Variants in CHCHD5 observed in about 807,000 individuals in gnomAD.
CHCHD5 encodes the protein coiled-coil-helix-coiled-coil-helix domain containing 5, also known as coiled-coil-helix-coiled-coil-helix domain-containing protein 5.
In CHCHD5, 10 loss-of-function variants were observed where a neutral mutation model predicts 16.0. That is an observed-to-expected ratio of 0.63 (90% CI 0.39 to 1.06). CHCHD5 has a LOEUF of 1.06. Ranked by LOEUF, CHCHD5 falls within the 50% of genes least tolerant of loss-of-function variation. CHCHD5 has a pLI of 0.01. For synonymous variants in CHCHD5, 55 were observed against 56.3 expected, an observed-to-expected ratio of 0.98 and a Z score of 0.10; for missense variants, 163 against 153.4, an observed-to-expected ratio of 1.06 and a Z score of -0.33.
At chr2:112,586,670 G>C in intron 3 of CHCHD5, 1 of 1,351,254 alleles carries the variant, frequency 7.4e-7, no homozygotes, top group Non-Finnish European at 9.8e-7. Context: ...CTGAAATCTG[G>C]TCTCATCACA....
chr2:112,586,026 T>C lies in CHCHD5; in HGVS notation c.55T>C (p.Tyr19His). ...CTACTGTGGCCGGGAGCTGGAGCAG[T>C]ATGGCCAGTGTGTGGCGGCCAAGCC... ...ARYCGRELEQ[Y>H]GQCVAAKPES... Residue 19 changes from tyrosine (Y) to histidine (H), a missense_variant, in exon 2 of 4, where the codon TAT becomes CAT. Physicochemically the swap from Tyr to His is moderately conservative, Grantham distance 83. Transcript: ENST00000324913. 3 of 1,614,198 alleles carry C rather than the reference T, an allele frequency of 1.9e-6. No homozygotes were observed. Among genetic ancestry groups the C allele is most frequent in the African/African-American group, 1.3e-5 (1 of 75,038 alleles).
chr2:112,584,719 G>C lies in CHCHD5; in HGVS notation c.2+70G>C. On this transcript the variant is annotated intron_variant, in intron 1 of 3. Coordinates refer to ENST00000324913, the MANE Select transcript of CHCHD5 (RefSeq NM_032309.4). ...TCTTTTACCCAGTGATCTAGACCTA[G>C]TCTAGGACCTCGGGAACTAGGACCA... 1.9e-6 allele frequency: 3 copies of C among 1,584,786 alleles called. No homozygotes were observed. In the Admixed American group the frequency reaches 5.0e-5, roughly 27 times the overall value.
Position 112,586,209 on chromosome 2 carries a change from C to T in CHCHD5, c.153C>T (p.Ile51=), listed in dbSNP as rs756891206. The T allele has an allele frequency of 1.4e-5, 23 of 1,609,660 alleles. No individual in the cohort carries two copies. The highest frequency in any genetic ancestry group is 1.9e-5 in the Non-Finnish European group (22 of 1,176,316). ...IAQCTSSHPI[I]RQIRQACAQP... The stretch of plus-strand genomic sequence containing the variant: ...TGCCCTACCCCCACAGCCCAATCAT[C>T]CGCCAGATCCGCCAGGCCTGTGCTC... Residue 51 remains isoleucine, a synonymous_variant, in exon 3 of 4, where the codon ATC becomes ATT. Coordinates refer to ENST00000324913, the MANE Select transcript of CHCHD5 (RefSeq NM_032309.4).
At chr2:112,587,824 T>C (rs536787044) in intron 3 of CHCHD5, 19 of 152,184 alleles carry the variant, frequency 1.2e-4, no homozygotes, top group African/African-American at 4.6e-4. Context: ...GCTGGGGACA[T>C]TTCTGTCTTT....
chr2:112,586,275 G>A lies in CHCHD5; in HGVS notation c.219G>A (p.Glu73=). ...TCGAGGAGTGTCTTCGACAGAACGA[G>A]GCAGCTGTGGGCAACTGTGCAGAGC... The part of the protein sequence containing the change: ...EAFEECLRQN[E]AAVGNCAEHM... The change falls in exon 3 of 4, where the codon GAG becomes GAA. Residue 73 remains glutamate, a synonymous_variant. Coordinates refer to ENST00000324913, the MANE Select transcript of CHCHD5 (RefSeq NM_032309.4). 6.2e-7 allele frequency: 1 copy of A among 1,614,236 alleles called. No individual in the cohort carries two copies. The highest frequency in any genetic ancestry group is 8.5e-7 in the Non-Finnish European group (1 of 1,180,032).
intron 3 of CHCHD5, 200 bp downstream of exon 3, chr2:112,586,565 T>C: frequency 6.6e-7 from 1 of 1,520,870 alleles, no homozygotes; most frequent in Non-Finnish European, 8.9e-7. Context: ...ACCCTCACCC[T>C]CCACCTCCAG....
chr2:112,585,934 C>T (rs1171407909), intron 1 of CHCHD5, 40 bp from the exon 2 acceptor site: 10 of 1,577,746 alleles, frequency 6.3e-6, no homozygotes, highest in Non-Finnish European at 8.6e-6. Flanking sequence ...CCTTGCTTGC[C>T]TACTGCCTGG....
intron 1 of CHCHD5, chr2:112,584,957 A>G (rs1221193084): frequency 2.0e-6 from 1 of 504,758 alleles, no homozygotes; most frequent in Non-Finnish European, 3.6e-6. Flanking sequence ...CTACAGACTT[A>G]TTTAGGGACC....
At chr2:112,586,727 A>C in intron 3 of CHCHD5, 1 of 890,132 alleles carries the variant, frequency 1.1e-6, no homozygotes, top group South Asian at 1.9e-5. Flanking sequence ...TTGAGAACAA[A>C]AGTCCAGGTC....
chr2:112,586,643 G>A, intron 3 of CHCHD5: 1 of 1,450,402 alleles, frequency 6.9e-7, no homozygotes, highest in Non-Finnish European at 9.1e-7. Flanking sequence ...AAAGCGGCCT[G>A]GGTGAGCATG....
In CHCHD5 at chr2:112,585,344, G is replaced by T. The variant is rs147765182; in HGVS notation, c.3-630G>T. On this transcript the variant is annotated intron_variant, in intron 1 of 3. Coordinates refer to ENST00000324913, the MANE Select transcript of CHCHD5 (RefSeq NM_032309.4). ...TGGAATTCTAGATCTTTCTTCTAAG[G>T]CCCCAAGTCTTCTGTGCATGATCCC... Among the ~76,000 whole-genome samples, 241 of 152,232 alleles carry T rather than the reference G, an allele frequency of 1.6e-3. 2 individuals carry two copies. Among genetic ancestry groups the T allele is most frequent in the Middle Eastern group, 3.4e-3 (1 of 294 alleles).
chr2:112,584,811 C>T (rs965275231), intron 1 of CHCHD5, 162 bp downstream of exon 1: 106 of 805,542 alleles, frequency 1.3e-4, no homozygotes, highest in Non-Finnish European at 1.8e-4. Context: ...TCCAACCCTC[C>T]GCATGCCCAA....
chr2:112,588,719 A>G, intron 3 of CHCHD5, 147 bp from the exon 4 acceptor site: 1 of 623,924 alleles, frequency 1.6e-6, no homozygotes, highest in Non-Finnish European at 2.8e-6. Context: ...TGACTTTTTC[A>G]CATGGCTCAG....
intron 1 of CHCHD5, chr2:112,585,007 T>C (rs1685165186): frequency 1.3e-5 from 4 of 307,646 alleles, no homozygotes; most frequent in Non-Finnish European, 2.5e-5. Flanking sequence ...TCCAGGTTCC[T>C]CCCCCTTGAT....
At chr2:112,585,230 T>C (rs554488976) in intron 1 of CHCHD5, among the ~76,000 whole-genome samples, 1 of 152,124 alleles carries the variant, frequency 6.6e-6, no homozygotes, top group Admixed American at 6.5e-5. Flanking sequence ...GCTAAGACAC[T>C]CTTCCCCAGG....
rs1432316894 is a variant in CHCHD5, at chr2:112,584,626, C to G, written c.-22C>G. Reference sequence around the variant, plus strand: ...GGCGGGTCGTTCCCCCCGGACAGCCCTACGCCGGCAAAGGTCTCGAGATGT... The same window carrying G: ...GGCGGGTCGTTCCCCCCGGACAGCCGTACGCCGGCAAAGGTCTCGAGATGT... On this transcript the variant is annotated 5_prime_UTR_variant, in exon 1 of 4. Transcript: ENST00000324913. The G allele has an allele frequency of 2.5e-6, 4 of 1,612,098 alleles. No homozygotes were observed. In the South Asian group the frequency reaches 3.4e-5, roughly 14 times the overall value.
At chr2:112,584,812 G>A (rs747266918) in intron 1 of CHCHD5, 163 bp downstream of exon 1, 6 of 783,138 alleles carry the variant, frequency 7.7e-6, no homozygotes, top group East Asian at 2.7e-5. Context: ...CCAACCCTCC[G>A]CATGCCCAAG....
intron 3 of CHCHD5, chr2:112,587,786 A>G (rs1685265271): frequency 6.6e-6 from 1 of 152,216 alleles, no homozygotes; most frequent in Admixed American, 6.5e-5. Flanking sequence ...AACGTTACCT[A>G]ACGATCACAT....
upstream of CHCHD5, chr2:112,584,504 C>A: frequency 9.9e-7 from 1 of 1,007,148 alleles, no homozygotes; most frequent in Non-Finnish European, 1.5e-6. Flanking sequence ...GCCGCCGTGA[C>A]AGATTAGTCC....
Sources: gnomAD v4.1 joint callset for allele counts (sites outside exome capture counted in the v4.1 genomes callset) on GRCh38, gnomAD v4.1.1 for gene constraint, MANE v1.5 for transcripts, NCBI Gene and HGNC (gene_info 2026-07-23, HGNC 2026-07-21) for gene names.